Variants in LARGE1 observed in about 807,000 individuals in gnomAD.
LARGE1 encodes the protein xylosyl- and glucuronyltransferase LARGE1.
A neutral mutation model predicts 87.6 loss-of-function variants in LARGE1; 43 were observed. The observed-to-expected ratio is 0.49, with a 90% CI of 0.38 to 0.63. The LOEUF is 0.63. LARGE1 is among the 30% of genes least tolerant of loss of function. The pLI is 0.00. For missense variants in LARGE1, 802 were observed against 1,000.2 expected (o/e 0.80, Z 2.67); for synonymous variants, 434 against 394.6 (o/e 1.10, Z -1.18).
chr22:33,885,479 T>C (rs776833001), intron 1 of LARGE1, among the ~76,000 whole-genome samples: 9 of 152,220 alleles, frequency 5.9e-5, no homozygotes, highest in Non-Finnish European at 1.2e-4. Flanking sequence ...ATAGGAATGT[T>C]TATCTCATAT....
In LARGE1 at chr22:33,761,756, A is replaced by C. The variant is rs576380463; in HGVS notation, c.-82-198T>G. Among the ~76,000 whole-genome samples the C allele has an allele frequency of 4.6e-5, 7 of 151,832 alleles. No individual in the cohort carries two copies. In the South Asian group the frequency reaches 1.0e-3, roughly 23 times the overall value. ...AATAAATAAATAAGTAAATAACAAA[A>C]ACTGTAAGCTCGCTCTCTCACACAC... On this transcript the variant is annotated intron_variant, in intron 1 of 14. Transcript: ENST00000397394.
At chr22:33,591,815 C>T (rs976365954) in intron 5 of LARGE1, among the ~76,000 whole-genome samples, 8 of 138,588 alleles carry the variant, frequency 5.8e-5, no homozygotes, top group Middle Eastern at 4.5e-3. Context: ...AAGATCAACA[C>T]GGGCAATATA....
chr22:33,846,762 C>T (rs777547831), intron 1 of LARGE1, among the ~76,000 whole-genome samples: 4 of 152,170 alleles, frequency 2.6e-5, no homozygotes, highest in Non-Finnish European at 5.9e-5. Context: ...AAATAGACTC[C>T]AGTCTCCCAT....
intron 11 of LARGE1, among the ~76,000 whole-genome samples, chr22:33,259,319 AACACACAC>A (rs3071499): frequency 2.8e-4 from 40 of 145,214 alleles, no homozygotes; most frequent in East Asian, 8.0e-4. Flanking sequence ...TCCAAAGGGC[AACACACAC>A]ACACACACAC....
At chr22:33,645,081 A>G (rs1352283670) in intron 3 of LARGE1, among the ~76,000 whole-genome samples, 1 of 152,228 alleles carries the variant, frequency 6.6e-6, no homozygotes, top group Admixed American at 6.5e-5. Context: ...TGGAACCAAA[A>G]AAGAGCCCAT....
chr22:33,568,855 A>G (rs1294608833), intron 5 of LARGE1, among the ~76,000 whole-genome samples: 1 of 150,572 alleles, frequency 6.6e-6, no homozygotes, highest in Non-Finnish European at 1.5e-5. Context: ...TGGATGGATG[A>G]ATGCATGGAT....
exon 12 of LARGE1, chr22:33,162,802 G>A (rs1459875828): frequency 6.6e-6 from 1 of 152,162 alleles, no homozygotes; most frequent in Non-Finnish European, 1.5e-5. Flanking sequence ...ATACACTTAT[G>A]ACAAAATGTT....
At chr22:33,146,825 T>G in the LARGE1 span, among the ~76,000 whole-genome samples, 7 of 152,160 alleles carry the variant, frequency 4.6e-5, no homozygotes, top group South Asian at 4.1e-4. Flanking sequence ...CATACAAGCA[T>G]GGACCCACCA....
intron 11 of LARGE1, among the ~76,000 whole-genome samples, chr22:33,184,620 AAATT>A (rs1923375906): frequency 6.6e-6 from 1 of 152,000 alleles, no homozygotes; most frequent in African/African-American, 2.4e-5. Context: ...AAAAAACAAA[AAATT>A]AATCATGGGA....
intron 7 of LARGE1, among the ~76,000 whole-genome samples, chr22:33,402,411 C>A (rs146499137): frequency 6.6e-6 from 1 of 152,288 alleles, no homozygotes; most frequent in Non-Finnish European, 1.5e-5. Flanking sequence ...AGATTTGGTA[C>A]TTTTTGCTGC....
intron 1 of LARGE1, among the ~76,000 whole-genome samples, chr22:33,793,214 C>G (rs2085877251): frequency 6.6e-6 from 1 of 152,182 alleles, no homozygotes; most frequent in East Asian, 1.9e-4. Flanking sequence ...AAATGTCAGT[C>G]TCTCTCTCAT....
At chr22:33,398,976 C>T (rs2065845150) in intron 7 of LARGE1, among the ~76,000 whole-genome samples, 1 of 152,138 alleles carries the variant, frequency 6.6e-6, no homozygotes, top group Non-Finnish European at 1.5e-5. Flanking sequence ...TAAACTTCTG[C>T]TTTTTTAAAA....
the LARGE1 span, among the ~76,000 whole-genome samples, chr22:33,070,898 A>T: frequency 1.3e-5 from 2 of 152,148 alleles, no homozygotes; most frequent in South Asian, 4.1e-4. Flanking sequence ...CAACAACAGA[A>T]CAGGAGTGGG....
At chr22:33,321,688 T>G (rs1936729050) in intron 10 of LARGE1, among the ~76,000 whole-genome samples, 1 of 152,104 alleles carries the variant, frequency 6.6e-6, no homozygotes, top group African/African-American at 2.4e-5. Flanking sequence ...GGCAAATGTG[T>G]GTGGAGAAAT....
At chr22:33,623,606 C>T (rs1366181023) in intron 4 of LARGE1, among the ~76,000 whole-genome samples, 2 of 151,330 alleles carry the variant, frequency 1.3e-5, no homozygotes, top group Non-Finnish European at 2.9e-5. Context: ...GCAGAAGAAC[C>T]GTACAGGTCA....
chr22:33,887,772 A>G (rs2064896514), intron 1 of LARGE1, among the ~76,000 whole-genome samples: 1 of 152,076 alleles, frequency 6.6e-6, no homozygotes, highest in African/African-American at 2.4e-5. Flanking sequence ...AGTTGATGGT[A>G]TTTTTACTTC....
intron 2 of LARGE1, among the ~76,000 whole-genome samples, chr22:33,653,090 T>C (rs1397679263): frequency 6.6e-6 from 1 of 152,174 alleles, no homozygotes; most frequent in Non-Finnish European, 1.5e-5. Context: ...TATTAATAAT[T>C]GCGTTTTCTC....
Position 33,900,907 on chromosome 22 carries a change from C to G in LARGE1, c.-83+19088G>C, listed in dbSNP as rs1218190313. On this transcript the variant is annotated intron_variant, in intron 1 of 14. Coordinates refer to ENST00000397394, the MANE Select transcript of LARGE1 (RefSeq NM_133642.5). ...ACTAAAAATACAAAAATTAGCTGGG[C>G]ATGGTGACACACGCCTGTAATCCCA... Among the ~76,000 whole-genome samples, 3 of 152,244 alleles carry G rather than the reference C, an allele frequency of 2.0e-5. No homozygotes were observed. In the East Asian group the frequency reaches 5.8e-4, roughly 29 times the overall value.
At chr22:33,257,280 C>A (rs941903197) in intron 11 of LARGE1, among the ~76,000 whole-genome samples, 2 of 152,120 alleles carry the variant, frequency 1.3e-5, no homozygotes, top group Non-Finnish European at 2.9e-5. Flanking sequence ...TGCCTGTAAT[C>A]CCAGCACTTT....
Sources: allele counts gnomAD v4.1 joint callset (sites outside exome capture counted in the v4.1 genomes callset), GRCh38; gene constraint gnomAD v4.1.1; transcripts MANE v1.5; gene names NCBI Gene and HGNC (gene_info 2026-07-23, HGNC 2026-07-21).